Variants in CPAMD8 observed in about 807,000 individuals in gnomAD.
CPAMD8 encodes the protein C3 and PZP-like alpha-2-macroglobulin domain-containing protein 8.
In CPAMD8, 146 loss-of-function variants were observed where a neutral mutation model predicts 224.7. That is an observed-to-expected ratio of 0.65 (90% CI 0.57 to 0.75). CPAMD8 has a LOEUF of 0.75. CPAMD8 is among the 30% of genes least tolerant of loss of function. The probability of loss-of-function intolerance (pLI) is 0.00; values close to 1 mark genes in which losing one functional copy is unlikely to be tolerated. For missense variants in CPAMD8, 2,301 were observed against 2,537.5 expected (o/e 0.91, Z 2.00); for synonymous variants, 966 against 1,044.6 (o/e 0.92, Z 1.45).
At chr19:16,956,212 C>G (rs550284262) in intron 19 of CPAMD8, among the ~76,000 whole-genome samples, 1 of 152,256 alleles carries the variant, frequency 6.6e-6, no homozygotes, top group South Asian at 2.1e-4. Flanking sequence ...TCAGCTCCTT[C>G]CATCTCATTT....
chr19:16,989,529 C>G (rs1006272001), intron 13 of CPAMD8, 114 bp downstream of exon 13: 2 of 1,310,738 alleles, frequency 1.5e-6, no homozygotes, highest in Non-Finnish European at 2.1e-6. Context: ...TCCAGTGATC[C>G]GCCTGCCTCG....
chr19:16,975,359 A>G, intron 16 of CPAMD8, 101 bp from the exon 17 acceptor site: 1 of 889,474 alleles, frequency 1.1e-6, no homozygotes, highest in South Asian at 1.6e-5. Context: ...CCTCTTTATC[A>G]CGTCATGACA....
chr19:16,946,317 G>A (rs952214455), intron 21 of CPAMD8, among the ~76,000 whole-genome samples: 3 of 150,422 alleles, frequency 2.0e-5, no homozygotes, highest in Non-Finnish European at 3.0e-5. Context: ...AGGCATGTGC[G>A]TGTGTGGATT....
intron 13 of CPAMD8, among the ~76,000 whole-genome samples, chr19:16,985,074 G>T (rs1047441565): frequency 2.0e-5 from 3 of 152,182 alleles, no homozygotes; most frequent in Non-Finnish European, 2.9e-5. Context: ...TAAGAAAATG[G>T]CCTTGAGGTC....
chr19:17,015,212 A>C (rs1166250705), intron 3 of CPAMD8, among the ~76,000 whole-genome samples: 3 of 152,230 alleles, frequency 2.0e-5, no homozygotes, highest in African/African-American at 7.2e-5. Flanking sequence ...GCTGCACTCC[A>C]GCCTAGGTGA....
chr19:16,914,199 G>C (rs1599686387), intron 29 of CPAMD8, among the ~76,000 whole-genome samples: 4 of 152,132 alleles, frequency 2.6e-5, no homozygotes, highest in Admixed American at 2.6e-4. Flanking sequence ...CCCCCAACAT[G>C]TGCCCAATTT....
intron 10 of CPAMD8, 145 bp from the exon 11 acceptor site, chr19:16,997,483 CG>C: frequency 1.5e-6 from 1 of 647,832 alleles, no homozygotes; most frequent in East Asian, 2.7e-5. Context: ...ATCTATGCCA[CG>C]GGACCATGCA....
chr19:17,003,861 A>G (rs1475503022), intron 8 of CPAMD8, among the ~76,000 whole-genome samples: 1 of 150,228 alleles, frequency 6.7e-6, no homozygotes, highest in Non-Finnish European at 1.5e-5. Context: ...ACGGGGACTC[A>G]TGTCATCCTC....
chr19:16,989,875 C>A, intron 12 of CPAMD8, 104 bp from the exon 13 acceptor site: 2 of 1,077,556 alleles, frequency 1.9e-6, no homozygotes, highest in South Asian at 1.4e-5. Flanking sequence ...CCCTCTCATG[C>A]TCCAATATCC....
chr19:16,982,510 A>G (rs1386222283), intron 13 of CPAMD8, among the ~76,000 whole-genome samples: 2 of 152,168 alleles, frequency 1.3e-5, no homozygotes, highest in Non-Finnish European at 2.9e-5. Flanking sequence ...AGGGACTCCC[A>G]CAGCCAAATT....
chr19:17,008,600 A>G (rs1458652203), intron 6 of CPAMD8, 41 bp from the exon 7 acceptor site: 1 of 1,603,790 alleles, frequency 6.2e-7, no homozygotes, highest in Middle Eastern at 1.7e-4. Flanking sequence ...GAGTGAACTC[A>G]GGCTAGCCTA....
intron 23 of CPAMD8, among the ~76,000 whole-genome samples, chr19:16,937,082 TTCCTTCC>T (rs2053716264): frequency 6.7e-6 from 1 of 149,834 alleles, no homozygotes; most frequent in South Asian, 2.1e-4. Flanking sequence ...CCTTCCTTCC[TTCCTTCC>T]TCCTTCCTTC....
At chr19:16,979,308 ATT>A (rs2055406832) in intron 14 of CPAMD8, among the ~76,000 whole-genome samples, 3 of 122,204 alleles carry the variant, frequency 2.5e-5, no homozygotes, top group Non-Finnish European at 3.3e-5. Flanking sequence ...CCATCCATCT[ATT>A]CATCCATCCA....
intron 32 of CPAMD8, 50 bp downstream of exon 32, chr19:16,904,176 A>ACCCCCCCC: frequency 3.5e-5 from 33 of 937,314 alleles, no homozygotes; most frequent in Middle Eastern, 3.2e-4. Flanking sequence ...GACTGCAGGG[A>ACCCCCCCC]CCCCACCCAC....
chr19:17,000,414 C>A lies in CPAMD8; in HGVS notation c.867G>T (p.Lys289Asn), dbSNP rs768339498. Residue 289 changes from lysine to asparagine, a missense_variant and splice_region_variant, in exon 10 of 42, where the codon AAG becomes AAT. This residue lies in a region of CPAMD8 where 301 missense variants were observed against 406.6 expected (regional missense o/e 0.74). Coordinates refer to ENST00000443236, the MANE Select transcript of CPAMD8 (RefSeq NM_015692.5). The part of the protein sequence containing the change: ...EVGRPVLRTT[K>N]ILGSRDFDIC... ...GGTAGAAGGGGTCCCTGTTTCTCAC[C>A]TTGGTTGTTCTGAGGACAGGGCGTC... 3.0e-6 allele frequency: 4 copies of A among 1,317,690 alleles called. No individual in the cohort carries two copies. The highest frequency in any genetic ancestry group is 4.4e-6 in the Non-Finnish European group (4 of 910,022). 81.6% of individuals were successfully genotyped at this position (1,317,690 alleles called of 1,614,324 possible).
chr19:16,921,642 G>A (rs1475143909), intron 27 of CPAMD8, among the ~76,000 whole-genome samples: 1 of 151,944 alleles, frequency 6.6e-6, no homozygotes, highest in Non-Finnish European at 1.5e-5. Flanking sequence ...CACTCCCAAG[G>A]GGCCAGAGAG....
At chr19:16,934,339 T>A (rs1453185752) in intron 23 of CPAMD8, among the ~76,000 whole-genome samples, 1 of 152,220 alleles carries the variant, frequency 6.6e-6, no homozygotes, top group Non-Finnish European at 1.5e-5. Flanking sequence ...TATGCCTCAA[T>A]AAACATATTT....
At chr19:17,014,370 T>TA (rs1275714322) in intron 3 of CPAMD8, among the ~76,000 whole-genome samples, 1 of 151,964 alleles carries the variant, frequency 6.6e-6, no homozygotes, top group Non-Finnish European at 1.5e-5. Context: ...TCCTCTTATT[T>TA]TTTTTTAAGC....
chr19:16,918,685 A>G (rs1034246291), intron 27 of CPAMD8, among the ~76,000 whole-genome samples: 7 of 151,400 alleles, frequency 4.6e-5, no homozygotes, highest in Admixed American at 2.0e-4. Flanking sequence ...GGCCTCAAAC[A>G]ATCTTCCCGA....
Sources: gnomAD v4.1 joint callset for allele counts (sites outside exome capture counted in the v4.1 genomes callset) on GRCh38, gnomAD v4.1.1 for gene constraint, gnomAD v4.1.1 regional missense constraint, MANE v1.5 for transcripts, NCBI Gene and HGNC (gene_info 2026-07-23, HGNC 2026-07-21) for gene names.